The following GP6 variants were observed in gnomAD, a reference collection of about 807,000 sequenced individuals.
The protein encoded by GP6 is glycoprotein VI platelet, also known as platelet glycoprotein VI.
Under a neutral mutation model 37.3 loss-of-function variants are expected in GP6, and 45 were observed. That is an observed-to-expected ratio of 1.21 (90% CI 0.95 to 1.55). The LOEUF (loss-of-function observed/expected upper bound fraction) is 1.55, where lower values mean the gene tolerates loss of function less well. Ranked by LOEUF, GP6 falls within the 40% of genes most tolerant of loss-of-function variation. GP6 has a pLI of 0.00. For synonymous variants in GP6, 340 were observed against 316.4 expected (o/e 1.07, Z -0.79); for missense variants, 813 against 760.2 (o/e 1.07, Z -0.82).
At chr19:55,027,341 A>C (rs1160226562) in intron 4 of GP6, among the ~76,000 whole-genome samples, 1 of 24,638 alleles carries the variant, frequency 4.1e-5, no homozygotes, top group Admixed American at 5.1e-4. Flanking sequence ...TTTCCCACCT[A>C]TGGCCGCGCC....
rs754527697 is a variant in GP6, at chr19:55,038,226, G to C, written c.11C>G (p.Ser4Cys). 2.8e-5 allele frequency: 45 copies of C among 1,591,160 alleles called. No homozygotes were observed. In the South Asian group the frequency reaches 4.9e-4, roughly 17 times the overall value. Residue 4 changes from serine to cysteine, a missense_variant, in exon 1 of 8, where the codon TCC becomes TGC. Ser to Cys is a moderately radical substitution (Grantham distance 112). Transcript: ENST00000310373. ...ACCAAGACAGAAGAGGGCGGTCGGG[G>C]ATGGAGACATGGTTCCTCAGCCCTG...
intron 3 of GP6, among the ~76,000 whole-genome samples, chr19:55,029,243 C>CATTTG (rs2074426387): frequency 8.0e-6 from 1 of 125,404 alleles, no homozygotes; most frequent in East Asian, 2.1e-4. Flanking sequence ...TTTGTTGTTT[C>CATTTG]ATTTGTTTTG....
chr19:55,021,520 G>GGTT (rs556854980), intron 5 of GP6, among the ~76,000 whole-genome samples: 2,290 of 126,188 alleles, frequency 0.018, 133 homozygotes, highest in African/African-American at 0.037. Context: ...ACTTTTGTTG[G>GGTT]TTTTTTTTTT....
intron 5 of GP6, among the ~76,000 whole-genome samples, chr19:55,019,682 T>TC (rs1316871845): frequency 2.0e-5 from 3 of 147,854 alleles, no homozygotes; most frequent in African/African-American, 7.4e-5. Flanking sequence ...TTTTTTCTTT[T>TC]TTTTTTTTTT....
chr19:55,029,846 G>C (rs1025330221), intron 3 of GP6, among the ~76,000 whole-genome samples: 2 of 52,916 alleles, frequency 3.8e-5, no homozygotes, highest in African/African-American at 1.1e-4. Flanking sequence ...AGGCAGCCAG[G>C]CTGGTCCATT....
At chr19:55,024,147 A>G (rs11672026) in intron 5 of GP6, among the ~76,000 whole-genome samples, 115,414 of 152,074 alleles carry the variant, frequency 0.76, 44,594 homozygotes, top group Middle Eastern at 0.84. Flanking sequence ...TAACCATTAG[A>G]GGAAACTGGA....
intron 1 of GP6, among the ~76,000 whole-genome samples, chr19:55,036,919 G>A (rs975455494): frequency 2.0e-5 from 3 of 152,246 alleles, no homozygotes; most frequent in Middle Eastern, 3.4e-3. Context: ...GCTGAGGCAG[G>A]AGAATCACTT....
Position 55,032,215 on chromosome 19 carries a change from A to C in GP6, c.249T>G (p.Ala83=), listed in dbSNP as rs559176407. The C allele has an allele frequency of 1.0e-4, 166 of 1,614,082 alleles. No homozygotes were observed. The East Asian group carries it at 3.4e-3, about 33-fold the overall frequency. Residue 83 remains alanine, a synonymous_variant, in exon 3 of 8, where the codon GCT becomes GCG. Transcript: ENST00000310373. ...TCTGGTAGGAGCAGCGGTAGCGTCC[A>C]GCCAGACTTCTCTTCATGGCCGGGA...
rs200940260 is a variant in GP6 at position 55,014,754 on chromosome 19, C to G, written c.1191G>C (p.Gln397His). The G allele has an allele frequency of 2.6e-5, 42 of 1,598,122 alleles. No homozygotes were observed. In the East Asian group the frequency reaches 9.0e-4, roughly 34 times the overall value. The stretch of plus-strand genomic sequence containing the variant: ...AGAGAGGCAGACAGACAGACAGACA[C>G]TGGCCGAACGGCTCCCTGATGGAAC... Residue 397 changes from glutamine to histidine, a missense_variant, in exon 8 of 8, where the codon CAG becomes CAC. Coordinates refer to ENST00000310373, the MANE Select transcript of GP6 (RefSeq NM_001083899.2).
rs2074369103 is a variant in GP6 at position 55,027,823 on chromosome 19, G to C, written c.365C>G (p.Pro122Arg). 8.1e-6 allele frequency: 13 copies of C among 1,614,026 alleles called. No homozygotes were observed. The Admixed American group carries it at 8.3e-5, about 10-fold the overall frequency. Residue 122 changes from proline (P) to arginine (R), a missense_variant, in exon 4 of 8, where the codon CCG becomes CGG. Physicochemically the swap from Pro to Arg is moderately radical, Grantham distance 103. Transcript: ENST00000310373. ...TACGTCCCCTCCTGACGACACCGCCGGGCCGGGCTGGGCTGAGAGCGAGGG... is the reference window on the plus strand; with the variant it reads ...TACGTCCCCTCCTGACGACACCGCCCGGCCGGGCTGGGCTGAGAGCGAGGG...
chr19:55,021,363 C>CA (rs71181728), intron 5 of GP6, among the ~76,000 whole-genome samples: 12 of 142,020 alleles, frequency 8.4e-5, no homozygotes, highest in South Asian at 2.3e-4. Context: ...TACTACATCT[C>CA]AAAAAAAAAA....
intron 5 of GP6, 55 bp from the exon 6 acceptor site, chr19:55,018,766 T>TA: frequency 1.8e-6 from 2 of 1,131,692 alleles, no homozygotes; most frequent in Non-Finnish European, 2.7e-6. Context: ...ATCCTCTAGA[T>TA]ATCTCCATTC....
intron 6 of GP6, among the ~76,000 whole-genome samples, chr19:55,016,967 T>C (rs1391273099): frequency 6.6e-6 from 1 of 151,878 alleles, no homozygotes; most frequent in Non-Finnish European, 1.5e-5. Context: ...GAGATTGCAG[T>C]GAGCTGAGAT....
chr19:55,022,117 T>C (rs1374125429), intron 5 of GP6, among the ~76,000 whole-genome samples: 1 of 152,212 alleles, frequency 6.6e-6, no homozygotes, highest in Non-Finnish European at 1.5e-5. Context: ...ACTCTGATGA[T>C]ACTTTCTTTT....
At chr19:55,016,479 G>A (rs375004018) in intron 6 of GP6, among the ~76,000 whole-genome samples, 23 of 150,342 alleles carry the variant, frequency 1.5e-4, no homozygotes, top group Non-Finnish European at 3.1e-4. Context: ...GGGCTCAAGC[G>A]ATTCTCCTGC....
intron 3 of GP6, among the ~76,000 whole-genome samples, chr19:55,030,622 C>T (rs998537405): frequency 2.0e-5 from 3 of 150,794 alleles, no homozygotes; most frequent in African/African-American, 4.9e-5. Context: ...GGATTACAGG[C>T]GTGAGCCGCC....
In GP6 at chr19:55,014,469, A is replaced by C. The variant is rs2073772216; in HGVS notation, c.1476T>G (p.Pro492=). Residue 492 remains proline (P), a synonymous_variant, in exon 8 of 8, where the codon CCT becomes CCG. Transcript: ENST00000310373. ...TTAGACCGCAGTGGGAGATGGAGTGAGGGTGAGAGTTTCTGGGGAAAACCA... is the reference window on the plus strand; with the variant it reads ...TTAGACCGCAGTGGGAGATGGAGTGCGGGTGAGAGTTTCTGGGGAAAACCA... 4 of 1,613,862 alleles carry C rather than the reference A, an allele frequency of 2.5e-6. No individual in the cohort carries two copies. The highest frequency in any genetic ancestry group is 1.3e-5 in the African/African-American group (1 of 74,926).
intron 6 of GP6, among the ~76,000 whole-genome samples, 196 bp from the exon 7 acceptor site, chr19:55,015,929 G>A (rs546777937): frequency 2.0e-5 from 3 of 152,220 alleles, no homozygotes; most frequent in East Asian, 1.9e-4. Context: ...CTTGAGTCCA[G>A]GAGTTCAAGA....
chr19:55,018,259 G>C lies in GP6; in HGVS notation c.724+393C>G, dbSNP rs75191052. Among the ~76,000 whole-genome samples the C allele has an allele frequency of 9.3e-3, 1,412 of 152,316 alleles. 26 individuals carry two copies. The highest frequency in any genetic ancestry group is 0.031 in the African/African-American group (1,292 of 41,576). The stretch of plus-strand genomic sequence containing the variant: ...AGCGTATCTGCAGAGGCCTGGAGCG[G>C]TTAGAAGATGTGCTGTGTCCAGGTG... On this transcript the variant is annotated intron_variant, in intron 6 of 7. Transcript: ENST00000310373.
Sources: allele counts gnomAD v4.1 joint callset (sites outside exome capture counted in the v4.1 genomes callset), GRCh38; gene constraint gnomAD v4.1.1; transcripts MANE v1.5; gene names NCBI Gene and HGNC (gene_info 2026-07-23, HGNC 2026-07-21).